Variants in CFAP69 observed in about 807,000 individuals in gnomAD.
The protein encoded by CFAP69 is cilia- and flagella-associated protein 69.
CFAP69 carries 92 observed loss-of-function variants against 123.0 expected under a neutral mutation model. The observed-to-expected ratio is 0.75, with a 90% CI of 0.63 to 0.89. The LOEUF (loss-of-function observed/expected upper bound fraction) is 0.89. CFAP69 is among the 40% of genes least tolerant of loss of function. The pLI is 0.00. For synonymous variants in CFAP69, 380 were observed against 364.3 expected (o/e 1.04, Z -0.49); for missense variants, 1,067 against 1,096.9 (o/e 0.97, Z 0.39).
intron 12 of CFAP69, among the ~76,000 whole-genome samples, chr7:90,281,962 C>T (rs909556050): frequency 3.3e-5 from 5 of 152,022 alleles, no homozygotes; most frequent in African/African-American, 4.8e-5. Context: ...CAGAGAAAAC[C>T]CCAAATTTTC....
intron 15 of CFAP69, among the ~76,000 whole-genome samples, chr7:90,290,022 A>G (rs1340549002): frequency 1.3e-5 from 2 of 152,148 alleles, no homozygotes; most frequent in Non-Finnish European, 2.9e-5. Flanking sequence ...TGATAAGTCT[A>G]GACATCTGGT....
intron 6 of CFAP69, chr7:90,268,944 A>G (rs1799552767): frequency 6.6e-6 from 1 of 152,348 alleles, no homozygotes; most frequent in African/African-American, 2.4e-5. Context: ...CAATCTAGGA[A>G]GGGAGAGAGG....
chr7:90,278,226 C>T (rs376101501), intron 11 of CFAP69, among the ~76,000 whole-genome samples: 63 of 152,226 alleles, frequency 4.1e-4, no homozygotes, highest in East Asian at 3.7e-3. Context: ...CGCTTTCTAG[C>T]TATGTGGCAT....
At chr7:90,297,936 A>G in intron 16 of CFAP69, 106 bp downstream of exon 16, 1 of 727,632 alleles carries the variant, frequency 1.4e-6, no homozygotes, top group East Asian at 3.1e-5. Flanking sequence ...AATGTGCCCC[A>G]AATCATGTTC....
At chr7:90,265,453 CCAAG>C in intron 5 of CFAP69, 76 bp downstream of exon 5, 1 of 959,358 alleles carries the variant, frequency 1.0e-6, no homozygotes, top group Non-Finnish European at 1.6e-6. Flanking sequence ...TCTATTTTCC[CCAAG>C]TTTCACTAAG....
intron 5 of CFAP69, among the ~76,000 whole-genome samples, chr7:90,265,883 G>C (rs1325755824): frequency 1.3e-5 from 2 of 152,052 alleles, no homozygotes; most frequent in Non-Finnish European, 2.9e-5. Flanking sequence ...TATCATAAAA[G>C]GGTAGGCACT....
At chr7:90,279,063 C>T (rs1789037728) in intron 11 of CFAP69, among the ~76,000 whole-genome samples, 1 of 151,916 alleles carries the variant, frequency 6.6e-6, no homozygotes, top group Non-Finnish European at 1.5e-5. Flanking sequence ...GCATTTTAAT[C>T]TCATTTTTAT....
chr7:90,279,441 A>G (rs1306218472), intron 11 of CFAP69, among the ~76,000 whole-genome samples: 1 of 152,158 alleles, frequency 6.6e-6, no homozygotes, highest in African/African-American at 2.4e-5. Flanking sequence ...CAAAAACAAA[A>G]AATTAATACA....
At chr7:90,257,865 T>C (rs1208413826) in intron 2 of CFAP69, among the ~76,000 whole-genome samples, 1 of 152,178 alleles carries the variant, frequency 6.6e-6, no homozygotes, top group South Asian at 2.1e-4. Context: ...ATACACTGAT[T>C]TCCTTTCCTT....
chr7:90,245,995 T>G (rs1013845977), intron 1 of CFAP69, among the ~76,000 whole-genome samples: 1 of 152,180 alleles, frequency 6.6e-6, no homozygotes, highest in African/African-American at 2.4e-5. Context: ...TTAAATTTGC[T>G]GCGACTAAAG....
chr7:90,248,207 C>G lies in CFAP69; in HGVS notation c.120+2663C>G, dbSNP rs912700302. On this transcript the variant is annotated intron_variant, in intron 1 of 22. Coordinates refer to ENST00000389297, the MANE Select transcript of CFAP69 (RefSeq NM_001039706.3). Reference sequence around the variant, plus strand: ...TAATATAGAAATGCTACTTTGGCTACCTGGGCTTTTGATAGCTGTTTTATA... The same window carrying G: ...TAATATAGAAATGCTACTTTGGCTAGCTGGGCTTTTGATAGCTGTTTTATA... Among the ~76,000 whole-genome samples the G allele has an allele frequency of 2.3e-4, 35 of 152,166 alleles. 1 individual carries two copies. The highest frequency in any genetic ancestry group is 1.5e-5 in the Non-Finnish European group (1 of 68,024).
chr7:90,246,693 G>A (rs1796378093), intron 1 of CFAP69, among the ~76,000 whole-genome samples: 1 of 152,132 alleles, frequency 6.6e-6, no homozygotes, highest in Admixed American at 6.5e-5. Flanking sequence ...CAACAATACA[G>A]CCATACTCCC....
chr7:90,274,475 T>G (rs1427807582), intron 9 of CFAP69, among the ~76,000 whole-genome samples: 1 of 152,246 alleles, frequency 6.6e-6, no homozygotes, highest in Non-Finnish European at 1.5e-5. Flanking sequence ...TAGTTTTCTT[T>G]TATCTGAAAA....
In CFAP69 at chr7:90,258,112, A is replaced by C; in HGVS notation, c.195A>C (p.Glu65Asp). The C allele has an allele frequency of 6.2e-7, 1 of 1,611,768 alleles. No individual in the cohort carries two copies. The highest frequency in any genetic ancestry group is 1.3e-5 in the African/African-American group (1 of 74,978). The change falls in exon 3 of 23, where the codon GAA becomes GAC. Residue 65 changes from glutamate (E) to aspartate (D), a missense_variant. Physicochemically the swap from Glu to Asp is conservative, Grantham distance 45 (BLOSUM62 2). Coordinates refer to ENST00000389297, the MANE Select transcript of CFAP69 (RefSeq NM_001039706.3). Reference sequence around the variant, plus strand: ...ATCTGTTTTAGGATGGCTTGGAAGAAAAACAACTTAAATTTGTCAAGAAAC... The same window carrying C: ...ATCTGTTTTAGGATGGCTTGGAAGACAAACAACTTAAATTTGTCAAGAAAC... ...LEETDKDGLE[E>D]KQLKFVKKLV... is the part of the protein sequence containing the mutation.
intron 1 of CFAP69, among the ~76,000 whole-genome samples, chr7:90,248,539 A>C (rs1025577301): frequency 7.2e-5 from 11 of 152,200 alleles, no homozygotes; most frequent in African/African-American, 2.7e-4. Flanking sequence ...TCTCTGATAG[A>C]ATTATGGAAA....
At chr7:90,268,475 C>T in intron 6 of CFAP69, 91 bp downstream of exon 6, 1 of 932,868 alleles carries the variant, frequency 1.1e-6, no homozygotes, top group East Asian at 2.7e-5. Flanking sequence ...ACACAGTGGG[C>T]TCATAAATGT....
At chr7:90,304,982 A>G (rs899841582) in intron 19 of CFAP69, among the ~76,000 whole-genome samples, 162 bp downstream of exon 19, 1 of 152,122 alleles carries the variant, frequency 6.6e-6, no homozygotes, top group Non-Finnish European at 1.5e-5. Flanking sequence ...CCATACACCC[A>G]TCCCATGATT....
intron 19 of CFAP69, among the ~76,000 whole-genome samples, chr7:90,305,943 C>CTTTT (rs11340254): frequency 7.7e-6 from 1 of 129,612 alleles, no homozygotes; most frequent in Non-Finnish European, 1.6e-5. Flanking sequence ...TTCTTTCCTT[C>CTTTT]TTTTTTTTTT....
chr7:90,267,509 CA>C (rs1478642278), intron 5 of CFAP69, among the ~76,000 whole-genome samples: 17 of 152,164 alleles, frequency 1.1e-4, no homozygotes, highest in Admixed American at 1.1e-3. Context: ...AGGACTTCAA[CA>C]GAGTAGATGC....
Sources: gnomAD v4.1 joint callset for allele counts (sites outside exome capture counted in the v4.1 genomes callset) on GRCh38, gnomAD v4.1.1 for gene constraint, MANE v1.5 for transcripts, NCBI Gene and HGNC (gene_info 2026-07-23, HGNC 2026-07-21) for gene names.